The following COG5 variants were observed in gnomAD, a reference collection of about 807,000 sequenced individuals.
The protein encoded by COG5 is conserved oligomeric Golgi complex subunit 5.
COG5 carries 86 observed loss-of-function variants against 110.4 expected under a neutral mutation model. That is an observed-to-expected ratio of 0.78 (90% CI 0.65 to 0.93). COG5 has a LOEUF of 0.93. COG5 is among the 40% of genes least tolerant of loss of function. The pLI is 0.00. For synonymous variants in COG5, 360 were observed against 334.6 expected (o/e 1.08, Z -0.83); for missense variants, 1,077 against 987.0 (o/e 1.09, Z -1.22).
In COG5 at chr7:107,393,798, C is replaced by G. The variant is rs1304213257; in HGVS notation, c.669+18704G>C. Among the ~76,000 whole-genome samples, 3 of 152,268 alleles carry G rather than the reference C, an allele frequency of 2.0e-5. No homozygotes were observed. The South Asian group carries it at 6.2e-4, about 32-fold the overall frequency. On this transcript the variant is annotated intron_variant, in intron 7 of 21. Transcript: ENST00000297135. The stretch of plus-strand genomic sequence containing the variant: ...TATACTGCAAAAGTTGCGCTATCTT[C>G]TAGCCAATGTCTTCTCTTTGGATAA...
Position 107,372,584 on chromosome 7 carries a change from C to T in COG5, c.835+11G>A. On this transcript the variant is annotated intron_variant, in intron 8 of 21. Coordinates refer to ENST00000297135, the MANE Select transcript of COG5 (RefSeq NM_006348.5). Reference sequence around the variant, plus strand: ...ATAAATAAAGAAGCTAAATATAAACCACATCCATACCTCTCACAGCTGACT... The same window carrying T: ...ATAAATAAAGAAGCTAAATATAAACTACATCCATACCTCTCACAGCTGACT... 6.2e-7 allele frequency: 1 copy of T among 1,612,498 alleles called. No individual in the cohort carries two copies. Among genetic ancestry groups the T allele is most frequent in the Non-Finnish European group, 8.5e-7 (1 of 1,179,162 alleles).
At chr7:107,433,160 A>G (rs781635843) in intron 6 of COG5, among the ~76,000 whole-genome samples, 4 of 152,236 alleles carry the variant, frequency 2.6e-5, no homozygotes, top group Non-Finnish European at 4.4e-5. Context: ...TATTCTGAAC[A>G]CTACAAAGTA....
chr7:107,271,411 C>T (rs563306293), intron 14 of COG5, among the ~76,000 whole-genome samples: 5 of 152,224 alleles, frequency 3.3e-5, no homozygotes, highest in Admixed American at 6.5e-5. Context: ...TCATCTAATA[C>T]ATGAATAGTA....
intron 6 of COG5, among the ~76,000 whole-genome samples, chr7:107,415,850 AC>A (rs1263479385): frequency 2.0e-5 from 1 of 49,588 alleles, no homozygotes; most frequent in African/African-American, 2.6e-4. Context: ...GTGTATATAT[AC>A]ACACACATAC....
intron 6 of COG5, among the ~76,000 whole-genome samples, chr7:107,512,040 G>A (rs1009190225): frequency 2.0e-5 from 3 of 151,980 alleles, no homozygotes; most frequent in Admixed American, 1.3e-4. Context: ...TGGAAGTTCT[G>A]GCCAGGGCAA....
intron 7 of COG5, among the ~76,000 whole-genome samples, chr7:107,383,093 C>T (rs756264114): frequency 2.2e-4 from 34 of 152,104 alleles, no homozygotes; most frequent in Non-Finnish European, 3.5e-4. Flanking sequence ...AGGGAGCTAA[C>T]CAAAGCCAAG....
At chr7:107,557,618 T>C (rs902267683) in intron 2 of COG5, among the ~76,000 whole-genome samples, 10 of 152,250 alleles carry the variant, frequency 6.6e-5, no homozygotes, top group African/African-American at 2.4e-4. Context: ...TAATAAAGTA[T>C]GAATTGCGAA....
At position 107,440,237 on chromosome 7, in the gene COG5, C is replaced by T. The variant is rs148523273; in HGVS notation, c.539-27605G>A. Among the ~76,000 whole-genome samples the T allele has an allele frequency of 1.8e-3, 281 of 152,156 alleles. 2 individuals are homozygous for T. Among genetic ancestry groups the T allele is most frequent in the African/African-American group, 6.6e-3 (272 of 41,510 alleles). The stretch of plus-strand genomic sequence containing the variant: ...CTAGTGCTTAGAGTAATATCTAGGA[C>T]ATAGGAGAACTTCAGTATGTATTTG... On this transcript the variant is annotated intron_variant, in intron 6 of 21. Transcript: ENST00000297135.
intron 7 of COG5, among the ~76,000 whole-genome samples, chr7:107,383,449 A>C (rs940009952): frequency 6.6e-6 from 1 of 152,228 alleles, no homozygotes; most frequent in Non-Finnish European, 1.5e-5. Flanking sequence ...GTTAATATCC[A>C]TGGCATAAAT....
chr7:107,345,859 A>G (rs1207517894), intron 10 of COG5, among the ~76,000 whole-genome samples: 1 of 152,192 alleles, frequency 6.6e-6, no homozygotes, highest in Non-Finnish European at 1.5e-5. Flanking sequence ...AAATAAACAA[A>G]CAAACCATAT....
At chr7:107,290,270 C>A (rs906073462) in intron 12 of COG5, among the ~76,000 whole-genome samples, 2 of 152,118 alleles carry the variant, frequency 1.3e-5, no homozygotes. Flanking sequence ...CACTCTTTCC[C>A]CTTTAAATCT....
intron 6 of COG5, among the ~76,000 whole-genome samples, chr7:107,462,809 G>GT (rs1359980275): frequency 6.6e-6 from 1 of 152,144 alleles, no homozygotes; most frequent in Non-Finnish European, 1.5e-5. Context: ...AATCTGGGAG[G>GT]TACAGGTTTG....
intron 12 of COG5, among the ~76,000 whole-genome samples, chr7:107,295,058 CACACACACATATATATATATAT>C (rs1806580727): frequency 1.4e-4 from 9 of 62,110 alleles, no homozygotes; most frequent in Non-Finnish European, 2.1e-4. Flanking sequence ...CACACACACA[CACACACACATATATATATATAT>C]ATATATATAT....
chr7:107,338,591 T>C (rs1047896333), intron 10 of COG5, among the ~76,000 whole-genome samples: 3 of 152,222 alleles, frequency 2.0e-5, no homozygotes, highest in East Asian at 3.9e-4. Context: ...GGCAATTACT[T>C]ATATATGATA....
At chr7:107,220,428 G>A (rs1194950868) in intron 19 of COG5, among the ~76,000 whole-genome samples, 7 of 152,204 alleles carry the variant, frequency 4.6e-5, no homozygotes, top group Non-Finnish European at 8.8e-5. Context: ...GTGACCTTAA[G>A]TTCCTCTGGG....
chr7:107,518,722 C>G (rs936297048), intron 6 of COG5, among the ~76,000 whole-genome samples: 1 of 152,270 alleles, frequency 6.6e-6, no homozygotes, highest in African/African-American at 2.4e-5. Flanking sequence ...GAGACTTTAA[C>G]ACCCCACTGT....
intron 18 of COG5, among the ~76,000 whole-genome samples, chr7:107,231,492 C>A (rs866348885): frequency 6.6e-6 from 1 of 152,130 alleles, no homozygotes; most frequent in Non-Finnish European, 1.5e-5. Context: ...AGTGCATATG[C>A]GAACTTTTTG....
intron 5 of COG5, among the ~76,000 whole-genome samples, chr7:107,542,310 C>T (rs1237688690): frequency 1.3e-5 from 2 of 152,066 alleles, no homozygotes; most frequent in African/African-American, 4.8e-5. Context: ...CTTAGAAAAA[C>T]AAAACCACAA....
At chr7:107,488,024 A>T (rs1280857289) in intron 6 of COG5, among the ~76,000 whole-genome samples, 1 of 152,130 alleles carries the variant, frequency 6.6e-6, no homozygotes, top group Non-Finnish European at 1.5e-5. Context: ...CACAATGAAC[A>T]TATATTGTTA....
Sources: allele counts gnomAD v4.1 joint callset (sites outside exome capture counted in the v4.1 genomes callset), GRCh38; gene constraint gnomAD v4.1.1; transcripts MANE v1.5; gene names NCBI Gene and HGNC (gene_info 2026-07-23, HGNC 2026-07-21).